Variants in ANKH observed in about 807,000 individuals in gnomAD.
ANKH encodes mineralization regulator ANKH.
ANKH carries 15 observed loss-of-function variants against 49.0 expected under a neutral mutation model. That is an observed-to-expected ratio of 0.31 (90% CI 0.20 to 0.47). The LOEUF (loss-of-function observed/expected upper bound fraction) is 0.47, where lower values mean the gene tolerates loss of function less well. Ranked by LOEUF, ANKH falls within the 20% of genes least tolerant of loss-of-function variation. ANKH has a pLI of 1.00. For missense variants in ANKH, 429 were observed against 652.0 expected, an observed-to-expected ratio of 0.66 and a Z score of 3.72; for synonymous variants, 273 against 260.0, an observed-to-expected ratio of 1.05 and a Z score of -0.48.
intron 1 of ANKH, among the ~76,000 whole-genome samples, chr5:14,826,638 G>T (rs915056820): frequency 6.6e-6 from 1 of 152,130 alleles, no homozygotes; most frequent in Non-Finnish European, 1.5e-5. Context: ...CTACATGTTA[G>T]CTTTCATTAT....
At position 14,712,979 on chromosome 5, in the gene ANKH, G is replaced by A. The variant is rs538952732; in HGVS notation, c.1266-6C>T. On this transcript the variant is annotated splice_polypyrimidine_tract_variant and splice_region_variant and intron_variant, in intron 10 of 11. Transcript: ENST00000284268. ...CCAGGGTCGCACCGTGCACCCTGCA[G>A]ATGAGAACACAAAGGCAATTTGTCT... 402 of 1,611,072 alleles carry A rather than the reference G, an allele frequency of 2.5e-4. 3 individuals carry two copies. In the South Asian group the frequency reaches 4.3e-3, roughly 17 times the overall value.
At chr5:14,844,707 C>A (rs1218270860) in intron 1 of ANKH, among the ~76,000 whole-genome samples, 4 of 152,228 alleles carry the variant, frequency 2.6e-5, no homozygotes, top group African/African-American at 9.6e-5. Flanking sequence ...TGCAGTGGTA[C>A]ATGCGGAGCT....
intron 7 of ANKH, among the ~76,000 whole-genome samples, chr5:14,742,355 A>G (rs1462240462): frequency 6.6e-6 from 1 of 152,154 alleles, no homozygotes; most frequent in Non-Finnish European, 1.5e-5. Flanking sequence ...AATGGACTAT[A>G]AATTCCACTG....
At chr5:14,858,443 G>A (rs565961532) in intron 1 of ANKH, among the ~76,000 whole-genome samples, 3 of 152,280 alleles carry the variant, frequency 2.0e-5, no homozygotes, top group Admixed American at 2.0e-4. Flanking sequence ...AGTGCCAGAT[G>A]TGGTGGCTCT....
intron 1 of ANKH, among the ~76,000 whole-genome samples, chr5:14,822,010 T>C (rs1273271444): frequency 6.6e-6 from 1 of 152,218 alleles, no homozygotes; most frequent in African/African-American, 2.4e-5. Flanking sequence ...TTTCAAGATC[T>C]GACATTTAGT....
intron 1 of ANKH, among the ~76,000 whole-genome samples, chr5:14,788,869 A>AG (rs1740063939): frequency 6.6e-6 from 1 of 152,186 alleles, no homozygotes; most frequent in Non-Finnish European, 1.5e-5. Context: ...CTGTGCAAAA[A>AG]GGGGGAAAGA....
At chr5:14,792,638 A>G (rs926095007) in intron 1 of ANKH, among the ~76,000 whole-genome samples, 1 of 152,044 alleles carries the variant, frequency 6.6e-6, no homozygotes, top group Admixed American at 6.6e-5. Context: ...CAGCTAAAAC[A>G]CTACCCAGAA....
chr5:14,712,195 C>G (rs1737241506), intron 11 of ANKH, among the ~76,000 whole-genome samples: 1 of 152,238 alleles, frequency 6.6e-6, no homozygotes, highest in Admixed American at 6.5e-5. Context: ...AGGGGACAGC[C>G]AGTGTCCTGA....
At chr5:14,719,840 A>C (rs1202300205) in intron 8 of ANKH, among the ~76,000 whole-genome samples, 1 of 152,172 alleles carries the variant, frequency 6.6e-6, no homozygotes, top group Non-Finnish European at 1.5e-5. Flanking sequence ...CTGACTTGGA[A>C]AACTTGGTGC....
At chr5:14,733,313 A>G (rs903929190) in intron 8 of ANKH, among the ~76,000 whole-genome samples, 1 of 152,132 alleles carries the variant, frequency 6.6e-6, no homozygotes, top group African/African-American at 2.4e-5. Flanking sequence ...CATTTACCTT[A>G]CTGTGCCCGA....
At chr5:14,844,876 G>C (rs1741912287) in intron 1 of ANKH, among the ~76,000 whole-genome samples, 1 of 152,172 alleles carries the variant, frequency 6.6e-6, no homozygotes, top group African/African-American at 2.4e-5. Flanking sequence ...GAACTCCCAA[G>C]TTTCTGGGAG....
At chr5:14,757,708 A>G (rs998725041) in intron 3 of ANKH, among the ~76,000 whole-genome samples, 5 of 152,246 alleles carry the variant, frequency 3.3e-5, no homozygotes, top group African/African-American at 1.2e-4. Flanking sequence ...TCAGAAAAGA[A>G]CTGTTTATCT....
chr5:14,831,158 C>T (rs539659339), intron 1 of ANKH, among the ~76,000 whole-genome samples: 7 of 152,244 alleles, frequency 4.6e-5, no homozygotes, highest in Non-Finnish European at 1.0e-4. Context: ...ACTGTGGTGT[C>T]CAACTCAGGA....
chr5:14,814,605 C>A (rs1284193911), intron 1 of ANKH, among the ~76,000 whole-genome samples: 4 of 152,126 alleles, frequency 2.6e-5, no homozygotes, highest in Non-Finnish European at 5.9e-5. Context: ...GACCTTGTCT[C>A]AAAAAATTAA....
At chr5:14,739,506 T>G (rs777139171) in intron 8 of ANKH, among the ~76,000 whole-genome samples, 17 of 152,246 alleles carry the variant, frequency 1.1e-4, no homozygotes, top group African/African-American at 3.6e-4. Context: ...GTTGGATCAA[T>G]TGATTGAATC....
At chr5:14,757,438 T>C (rs867049931) in intron 3 of ANKH, among the ~76,000 whole-genome samples, 1 of 120,378 alleles carries the variant, frequency 8.3e-6, no homozygotes, top group Non-Finnish European at 1.8e-5. Context: ...ATATTTTTTT[T>C]TTTTTTTTTT....
chr5:14,797,731 T>C (rs1288692046), intron 1 of ANKH: 62 of 1,609,184 alleles, frequency 3.9e-5, no homozygotes, highest in Non-Finnish European at 5.3e-5. Context: ...GTATGCCCTG[T>C]AAAGATGGTC....
chr5:14,830,403 T>C (rs1620976), intron 1 of ANKH, among the ~76,000 whole-genome samples: 71,545 of 151,736 alleles, frequency 0.47, 17,154 homozygotes, highest in East Asian at 0.75. Flanking sequence ...TGTCCAGTGC[T>C]GGGAAGAGTC....
chr5:14,845,627 G>A (rs1478713726), intron 1 of ANKH, among the ~76,000 whole-genome samples: 6 of 152,020 alleles, frequency 3.9e-5, no homozygotes, highest in African/African-American at 1.4e-4. Context: ...GAGAGTGCTG[G>A]TGTTTCTCTT....
Sources: allele counts gnomAD v4.1 joint callset (sites outside exome capture counted in the v4.1 genomes callset), GRCh38; gene constraint gnomAD v4.1.1; transcripts MANE v1.5; gene names NCBI Gene and HGNC (gene_info 2026-07-23, HGNC 2026-07-21).